The following CNST variants were observed in gnomAD, a reference collection of about 807,000 sequenced individuals.
The protein encoded by CNST is consortin.
In CNST, 39 loss-of-function variants were observed where a neutral mutation model predicts 72.4. The ratio of observed to expected loss-of-function variants is 0.54; its 90% CI spans 0.42 to 0.70. CNST has a LOEUF of 0.70. CNST is among the 30% of genes least tolerant of loss of function. The pLI is 0.00. For missense variants in CNST, 871 were observed against 868.5 expected (o/e 1.00, Z -0.04); for synonymous variants, 332 against 320.1 (o/e 1.04, Z -0.40).
At chr1:246,636,052 G>C (rs1040511089) in intron 6 of CNST, among the ~76,000 whole-genome samples, 5 of 152,206 alleles carry the variant, frequency 3.3e-5, no homozygotes, top group African/African-American at 1.2e-4. Context: ...GGTGTTCCTA[G>C]GATTGTCGCA....
chr1:246,654,669 G>A (rs1024136663), intron 9 of CNST, among the ~76,000 whole-genome samples: 1 of 152,152 alleles, frequency 6.6e-6, no homozygotes, highest in Non-Finnish European at 1.5e-5. Context: ...GTAAATAACA[G>A]CCACTATACA....
intron 2 of CNST, chr1:246,606,469 T>C (rs1662829210): frequency 6.6e-6 from 1 of 152,212 alleles, no homozygotes; most frequent in African/African-American, 2.4e-5. Flanking sequence ...GACCGCACCC[T>C]CTTCTGTTAA....
At chr1:246,616,499 A>G (rs1324676037) in intron 2 of CNST, among the ~76,000 whole-genome samples, 1 of 152,068 alleles carries the variant, frequency 6.6e-6, no homozygotes, top group African/African-American at 2.4e-5. Flanking sequence ...TTGAGGCTTC[A>G]GTGAGTCATG....
At chr1:246,573,346 A>T (rs1660184526) in intron 1 of CNST, among the ~76,000 whole-genome samples, 1 of 152,240 alleles carries the variant, frequency 6.6e-6, no homozygotes, top group Non-Finnish European at 1.5e-5. Context: ...TTGTCTTATT[A>T]CCATTACATT....
chr1:246,647,229 A>G lies in CNST; in HGVS notation c.1028A>G (p.Asp343Gly). The change falls in exon 9 of 11, where the codon GAC becomes GGC. Residue 343 changes from aspartate to glycine, a missense_variant. Coordinates refer to ENST00000366513, the MANE Select transcript of CNST (RefSeq NM_152609.3). ...AGCAGTCCCTGCTGTCATCAGATGG[A>G]CGTGCAAACAGATTCCCCAAGCCTT... ...LGSSPCCHQM[D>G]VQTDSPSLSV... The G allele has an allele frequency of 6.2e-7, 1 of 1,614,192 alleles. No individual in the cohort carries two copies. The highest frequency in any genetic ancestry group is 8.5e-7 in the Non-Finnish European group (1 of 1,180,038).
chr1:246,594,188 T>A, intron 2 of CNST, among the ~76,000 whole-genome samples: 1 of 152,250 alleles, frequency 6.6e-6, no homozygotes, highest in East Asian at 1.9e-4. Context: ...ATTATTATTA[T>A]ATTTATTTTA....
In CNST at chr1:246,621,630, A is replaced by T; in HGVS notation, c.581A>T (p.His194Leu). Residue 194 changes from histidine to leucine, a missense_variant, in exon 3 of 11, where the codon CAT becomes CTT. Physicochemically the swap from His to Leu is moderately conservative, Grantham distance 99. Coordinates refer to ENST00000366513, the MANE Select transcript of CNST (RefSeq NM_152609.3). ...TCAAGAGCACTTCCCCTTTGCCTTC[A>T]TCAGGTACTCTGGTAAACCCTTCAC... is the stretch of plus-strand genomic sequence containing the variant. ...LDSRALPLCL[H>L]QIAESYFQEE... 3 of 1,612,688 alleles carry T rather than the reference A, an allele frequency of 1.9e-6. No individual in the cohort carries two copies. The highest frequency in any genetic ancestry group is 2.5e-6 in the Non-Finnish European group (3 of 1,178,704).
chr1:246,651,387 G>A (rs1159582451), intron 9 of CNST, among the ~76,000 whole-genome samples: 1 of 152,064 alleles, frequency 6.6e-6, no homozygotes, highest in East Asian at 1.9e-4. Flanking sequence ...TTGTGGTAGA[G>A]CATGCTGGTT....
At chr1:246,631,848 C>G (rs768899941) in intron 3 of CNST, 46 bp from the exon 4 acceptor site, 1 of 1,132,782 alleles carries the variant, frequency 8.8e-7, no homozygotes, top group Non-Finnish European at 1.3e-6. Context: ...ATCTTCTCAT[C>G]CAAGTGTTAA....
At chr1:246,574,547 T>C (rs1660273118) in intron 1 of CNST, among the ~76,000 whole-genome samples, 2 of 152,226 alleles carry the variant, frequency 1.3e-5, no homozygotes, top group South Asian at 4.1e-4. Flanking sequence ...CACTTCAGCC[T>C]CCCTAGTAGC....
intron 2 of CNST, among the ~76,000 whole-genome samples, chr1:246,614,410 T>C (rs1270400202): frequency 6.6e-6 from 1 of 152,196 alleles, no homozygotes; most frequent in Non-Finnish European, 1.5e-5. Context: ...AGATCAGAGA[T>C]GCTTAACCTG....
intron 1 of CNST, among the ~76,000 whole-genome samples, chr1:246,581,996 G>A (rs1660814722): frequency 6.6e-6 from 1 of 152,196 alleles, no homozygotes; most frequent in South Asian, 2.1e-4. Context: ...TTTTTAAATA[G>A]AAGTGTCTTT....
intron 2 of CNST, among the ~76,000 whole-genome samples, chr1:246,617,898 A>G (rs944390711): frequency 6.6e-6 from 1 of 152,238 alleles, no homozygotes; most frequent in Admixed American, 6.5e-5. Context: ...TTGAGCCACG[A>G]TAGAATTCTA....
intron 1 of CNST, among the ~76,000 whole-genome samples, chr1:246,579,585 A>G (rs1660656928): frequency 2.0e-5 from 3 of 152,190 alleles, no homozygotes; most frequent in Admixed American, 6.5e-5. Flanking sequence ...CCCAGGAAAC[A>G]TGGTAAAACT....
At chr1:246,596,253 A>G (rs1162763287) in intron 2 of CNST, among the ~76,000 whole-genome samples, 1 of 152,074 alleles carries the variant, frequency 6.6e-6, no homozygotes, top group Non-Finnish European at 1.5e-5. Flanking sequence ...CATCTCTACA[A>G]AAAGTAAAAT....
At chr1:246,643,595 C>T (rs1421421090) in intron 8 of CNST, among the ~76,000 whole-genome samples, 3 of 152,154 alleles carry the variant, frequency 2.0e-5, no homozygotes, top group East Asian at 1.9e-4. Context: ...TGCTTTGATT[C>T]GCAGCTAGAA....
chr1:246,653,743 A>C (rs1376683424), intron 9 of CNST, among the ~76,000 whole-genome samples: 1 of 151,978 alleles, frequency 6.6e-6, no homozygotes, highest in East Asian at 1.9e-4. Flanking sequence ...TCACTCTTTT[A>C]ATTTATATTT....
chr1:246,638,837 T>C (rs1665483807), intron 6 of CNST, among the ~76,000 whole-genome samples: 1 of 152,120 alleles, frequency 6.6e-6, no homozygotes, highest in African/African-American at 2.4e-5. Flanking sequence ...TGGGAGGTAG[T>C]GGCTTCAGGT....
intron 9 of CNST, among the ~76,000 whole-genome samples, chr1:246,659,557 T>C (rs187237436): frequency 5.3e-5 from 8 of 150,988 alleles, no homozygotes; most frequent in South Asian, 2.1e-4. Context: ...ATCGCGCCAC[T>C]GCACTCCAGC....
Sources: allele counts gnomAD v4.1 joint callset (sites outside exome capture counted in the v4.1 genomes callset), GRCh38; gene constraint gnomAD v4.1.1; transcripts MANE v1.5; gene names NCBI Gene and HGNC (gene_info 2026-07-23, HGNC 2026-07-21).